PSME3IP1: variants seen among roughly 807,000 people sequenced by gnomAD.
The protein encoded by PSME3IP1 is proteasome activator subunit 3 interacting protein 1.
Under a neutral mutation model 34.1 loss-of-function variants are expected in PSME3IP1, and 13 were observed. That is an observed-to-expected ratio of 0.38 (90% confidence interval 0.25 to 0.61). PSME3IP1 has a LOEUF of 0.61. Ranked by LOEUF, PSME3IP1 falls within the 20% of genes least tolerant of loss-of-function variation. PSME3IP1 has a pLI of 0.60. For synonymous variants in PSME3IP1, 93 were observed against 114.3 expected (o/e 0.81, Z 1.19); for missense variants, 237 against 301.4 (o/e 0.79, Z 1.58).
chr16:57,173,737 CT>C lies in PSME3IP1; in HGVS notation c.117del (p.Asp40IlefsTer40). 6.2e-7 allele frequency: 1 copy of C among 1,613,884 alleles called. No homozygotes were observed. The highest frequency in any genetic ancestry group is 8.5e-7 in the Non-Finnish European group (1 of 1,180,000). On this transcript the variant is annotated frameshift_variant, in exon 2 of 7. Transcript: ENST00000309137. LOFTEE classifies it high-confidence loss of function. ...GACTGTCACAGTATACCTTCTGGAT[CT>C]TCAGGTTTTCGAACTTTCTCCCATT... Reference protein sequence around the residue: ...QEEWEKVRKPEDPEECPEEVY... With the variant: ...QEEWEKVRKPXDPEECPEEVY...
chr16:57,173,244 A>C (rs1285101544), intron 2 of PSME3IP1, among the ~76,000 whole-genome samples: 3 of 152,180 alleles, frequency 2.0e-5, no homozygotes, highest in Non-Finnish European at 2.9e-5. Context: ...GGCAGAAAAG[A>C]AGCAGGATGT....
At chr16:57,155,741 G>T (rs1471143182) in intron 6 of PSME3IP1, among the ~76,000 whole-genome samples, 2 of 152,142 alleles carry the variant, frequency 1.3e-5, no homozygotes, top group East Asian at 3.8e-4. Flanking sequence ...AGGAGGCAGT[G>T]GTTGCAGTGA....
At chr16:57,181,615 A>C (rs891675567) in intron 1 of PSME3IP1, 1 of 152,196 alleles carries the variant, frequency 6.6e-6, no homozygotes, top group Non-Finnish European at 1.5e-5. Context: ...ACTAGCCTCC[A>C]TTTTAGATAC....
intron 1 of PSME3IP1, among the ~76,000 whole-genome samples, chr16:57,176,293 C>T (rs953368392): frequency 1.3e-5 from 2 of 152,230 alleles, no homozygotes; most frequent in Non-Finnish European, 2.9e-5. Flanking sequence ...TCTCCTTTCT[C>T]ATCCTGTATT....
intron 1 of PSME3IP1, among the ~76,000 whole-genome samples, chr16:57,178,295 T>C (rs1188032335): frequency 1.3e-5 from 2 of 152,160 alleles, no homozygotes; most frequent in Admixed American, 6.5e-5. Flanking sequence ...CTAAAGACCA[T>C]CTCCTTTATG....
intron 5 of PSME3IP1, among the ~76,000 whole-genome samples, chr16:57,165,378 CT>C (rs2071745504): frequency 6.6e-6 from 1 of 152,090 alleles, no homozygotes. Context: ...AAATTTATAG[CT>C]TCAGATGCTC....
intron 1 of PSME3IP1, chr16:57,174,376 G>T: frequency 1.1e-6 from 1 of 908,476 alleles, no homozygotes; most frequent in Non-Finnish European, 1.3e-6. Flanking sequence ...ACATATCAGA[G>T]AATTTTTATT....
At chr16:57,179,498 C>T (rs2073498580) in intron 1 of PSME3IP1, among the ~76,000 whole-genome samples, 1 of 152,224 alleles carries the variant, frequency 6.6e-6, no homozygotes, top group East Asian at 1.9e-4. Flanking sequence ...GCACACTACA[C>T]ATGTTTTAAA....
chr16:57,173,606 G>C lies in PSME3IP1; in HGVS notation c.127+122C>G, dbSNP rs899993908. Reference sequence around the variant, plus strand: ...ATCGCGCCACTGCACTCCAGCCTGGGCAACAGAGTGAGACTCCGTCTCAAA... The same window carrying C: ...ATCGCGCCACTGCACTCCAGCCTGGCCAACAGAGTGAGACTCCGTCTCAAA... On this transcript the variant is annotated intron_variant, in intron 2 of 6. Transcript: ENST00000309137. 2.5e-6 allele frequency: 3 copies of C among 1,210,444 alleles called. No homozygotes were observed. In the African/African-American group the frequency reaches 4.6e-5, roughly 19 times the overall value. The allele number at this position is 1,210,444 out of a possible 1,614,324, so 75.0% of individuals were successfully genotyped here.
chr16:57,174,799 T>C, intron 1 of PSME3IP1: 1 of 540,484 alleles, frequency 1.9e-6, no homozygotes, highest in Non-Finnish European at 2.4e-6. Context: ...TGACTCTTCA[T>C]TTATATCTCT....
Position 57,154,906 on chromosome 16 carries a change from A to G in PSME3IP1, c.548-399T>C, listed in dbSNP as rs2070340522. Among the ~76,000 whole-genome samples the G allele has an allele frequency of 6.6e-6, 1 of 152,236 alleles. No homozygotes were observed. Among genetic ancestry groups the G allele is most frequent in the African/African-American group, 2.4e-5 (1 of 41,476 alleles). ...CAGATTAAGAGAGACACTGTGAGCA[A>G]TATTAACAATTCCATTAAGTTCTCA... On this transcript the variant is annotated intron_variant, in intron 6 of 6. Coordinates refer to ENST00000309137, the MANE Select transcript of PSME3IP1 (RefSeq NM_024946.4). The surrounding 1 kb of genome is among the most constrained non-coding windows in gnomAD (Gnocchi z 4.0).
chr16:57,180,587 G>A (rs1450796677), intron 1 of PSME3IP1, among the ~76,000 whole-genome samples: 8 of 148,856 alleles, frequency 5.4e-5, no homozygotes, highest in Admixed American at 2.0e-4. Context: ...GCAAGACTCC[G>A]TCTCAGAAAA....
intron 1 of PSME3IP1, among the ~76,000 whole-genome samples, chr16:57,185,180 C>T (rs1477696195): frequency 6.6e-6 from 1 of 152,138 alleles, no homozygotes; most frequent in African/African-American, 2.4e-5. Flanking sequence ...TTTAAAAGGG[C>T]CCCAGGAGAT....
chr16:57,168,620 G>A (rs1429091759), intron 4 of PSME3IP1, among the ~76,000 whole-genome samples: 2 of 151,906 alleles, frequency 1.3e-5, no homozygotes, highest in African/African-American at 2.4e-5. Flanking sequence ...TGACCAGCAT[G>A]GAGAAACCCT....
chr16:57,156,632 A>C (rs2070563759), intron 6 of PSME3IP1, among the ~76,000 whole-genome samples: 1 of 152,250 alleles, frequency 6.6e-6, no homozygotes, highest in South Asian at 2.1e-4. Context: ...AGGCTACAAA[A>C]AAAAGGCAGG....
chr16:57,169,921 T>A lies in PSME3IP1; in HGVS notation c.348+2330A>T, dbSNP rs1597683326. 3.3e-5 allele frequency among the ~76,000 whole-genome samples: 5 copies of A among 152,050 alleles called. No homozygotes were observed. In the South Asian group the frequency reaches 1.0e-3, roughly 32 times the overall value. ...GAATAATCAGCCTCAATCCTACAGTTGAGATTGAGGTATAACTTCCCATGA... is the reference window on the plus strand; with the variant it reads ...GAATAATCAGCCTCAATCCTACAGTAGAGATTGAGGTATAACTTCCCATGA... On this transcript the variant is annotated intron_variant, in intron 4 of 6. Transcript: ENST00000309137.
At chr16:57,182,068 T>G (rs1486589847) in intron 1 of PSME3IP1, among the ~76,000 whole-genome samples, 2 of 152,196 alleles carry the variant, frequency 1.3e-5, no homozygotes, top group African/African-American at 4.8e-5. Context: ...TAATCCTGCC[T>G]GGGTCTTTCA....
chr16:57,170,081 C>CT (rs869047118), intron 4 of PSME3IP1, among the ~76,000 whole-genome samples: 12,870 of 125,888 alleles, frequency 0.1, 800 homozygotes, highest in Middle Eastern at 0.16. Flanking sequence ...CCATACAACG[C>CT]TTTTTTTTTT....
chr16:57,154,210 TGAGGGAC>T lies in PSME3IP1; in HGVS notation c.*73_*79del. On this transcript the variant is annotated 3_prime_UTR_variant, in exon 7 of 7. Transcript: ENST00000309137. The surrounding 1 kb of genome is among the most constrained non-coding windows in gnomAD (Gnocchi z 4.0). Reference sequence around the variant, plus strand: ...GGATGCAGGCAAAGGAGTTTTTTTTTGAGGGACATAATGCCTATAGGCAGCATGAACG... The same window carrying T: ...GGATGCAGGCAAAGGAGTTTTTTTTTATAATGCCTATAGGCAGCATGAACG... The T allele has an allele frequency of 8.2e-7, 1 of 1,220,944 alleles. No homozygotes were observed. The highest frequency in any genetic ancestry group is 2.2e-5 in the Admixed American group (1 of 45,994). 75.6% of individuals were successfully genotyped at this position (1,220,944 alleles called of 1,614,324 possible).
Sources: allele counts gnomAD v4.1 joint callset (sites outside exome capture counted in the v4.1 genomes callset), GRCh38; gene constraint gnomAD v4.1.1; non-coding constraint Gnocchi (gnomAD v3.1); transcripts MANE v1.5; gene names NCBI Gene and HGNC (gene_info 2026-07-23, HGNC 2026-07-21).